MYO9A: variants seen among roughly 807,000 people sequenced by gnomAD.
The protein encoded by MYO9A is unconventional myosin-IXa.
MYO9A carries 103 observed loss-of-function variants against 293.3 expected under a neutral mutation model. The observed-to-expected ratio is 0.35, with a 90% confidence interval of 0.30 to 0.41. The LOEUF is 0.41. Ranked by LOEUF, MYO9A falls within the 10% of genes least tolerant of loss-of-function variation. MYO9A has a pLI of 1.00. For missense variants in MYO9A, 2,685 were observed against 3,033.0 expected (o/e 0.89, Z 2.69); for synonymous variants, 1,001 against 1,035.7 (o/e 0.97, Z 0.64).
chr15:71,951,440 GTT>G (rs3830247), intron 15 of MYO9A, among the ~76,000 whole-genome samples: 4 of 143,786 alleles, frequency 2.8e-5, no homozygotes, highest in South Asian at 2.2e-4. Context: ...TTTTTTTGTT[GTT>G]TTTTTTTTTA....
intron 13 of MYO9A, among the ~76,000 whole-genome samples, 178 bp downstream of exon 13, chr15:71,967,806 C>T (rs1461982486): frequency 1.3e-5 from 2 of 152,150 alleles, no homozygotes; most frequent in African/African-American, 4.8e-5. Flanking sequence ...GAAACATTAC[C>T]TTACCTAAGA....
chr15:71,860,601 A>AT (rs1267235346), intron 33 of MYO9A, among the ~76,000 whole-genome samples: 2 of 152,202 alleles, frequency 1.3e-5, no homozygotes, highest in African/African-American at 4.8e-5. Context: ...AGATCAAGTA[A>AT]GGGAGGCCAT....
intron 25 of MYO9A, 107 bp downstream of exon 25, chr15:71,897,354 C>G (rs1191563704): frequency 1.6e-6 from 2 of 1,221,404 alleles, no homozygotes; most frequent in Non-Finnish European, 2.3e-6. Context: ...GAGAAAATGG[C>G]CAAGTTGAGC....
At chr15:71,893,132 G>A (rs2057227344) in intron 26 of MYO9A, 6 of 1,287,934 alleles carry the variant, frequency 4.7e-6, no homozygotes, top group Non-Finnish European at 6.1e-6. Flanking sequence ...AAATCGGAGC[G>A]CGTCCGCGCC....
intron 39 of MYO9A, among the ~76,000 whole-genome samples, chr15:71,839,536 A>G (rs1030865676): frequency 2.6e-5 from 4 of 151,996 alleles, no homozygotes; most frequent in Admixed American, 6.6e-5. Context: ...AGTGTCCCCA[A>G]TTCGTCGGAC....
chr15:71,840,882 C>T (rs1484760398), intron 39 of MYO9A, among the ~76,000 whole-genome samples: 2 of 152,232 alleles, frequency 1.3e-5, no homozygotes, highest in African/African-American at 4.8e-5. Flanking sequence ...CCGCCCACCT[C>T]GGCCTCCCAA....
intron 15 of MYO9A, among the ~76,000 whole-genome samples, chr15:71,944,991 T>C (rs1471542972): frequency 6.6e-6 from 1 of 152,198 alleles, no homozygotes; most frequent in Non-Finnish European, 1.5e-5. Context: ...TTTCTCCTAG[T>C]AGTGCACAAC....
At chr15:71,947,208 G>C (rs1271036899) in intron 15 of MYO9A, among the ~76,000 whole-genome samples, 1 of 151,020 alleles carries the variant, frequency 6.6e-6, no homozygotes, top group Non-Finnish European at 1.5e-5. Context: ...CTTGAACCCG[G>C]GAGGTGGAGG....
Position 72,118,139 on chromosome 15 carries a change from A to T in MYO9A, c.-531T>A. 2.7e-6 allele frequency: 1 copy of T among 377,056 alleles called. No individual in the cohort carries two copies. Among genetic ancestry groups the T allele is most frequent in the Non-Finnish European group, 4.7e-6 (1 of 212,920 alleles). 23.4% of individuals were successfully genotyped at this position (377,056 alleles called of 1,614,324 possible). A position where few individuals can be genotyped will look rare whatever the true frequency, so the allele number is the denominator to read the frequency against. ...CGCGACTCCCCGGCTGCAGGCGAGC[A>T]GGCGCGCGCGCACTTACCTCCCACG... On this transcript the variant is annotated 5_prime_UTR_variant, in exon 1 of 42. Coordinates refer to ENST00000356056, the MANE Select transcript of MYO9A (RefSeq NM_006901.4).
intron 11 of MYO9A, 26 bp from the exon 12 acceptor site, chr15:71,978,318 C>T: frequency 6.4e-7 from 1 of 1,573,490 alleles, no homozygotes; most frequent in Non-Finnish European, 8.6e-7. Context: ...AATAAAATAA[C>T]AATTTATTCA....
At chr15:72,039,249 T>C (rs957238859) in intron 2 of MYO9A, among the ~76,000 whole-genome samples, 11 of 152,132 alleles carry the variant, frequency 7.2e-5, no homozygotes, top group African/African-American at 2.7e-4. Context: ...AGTAGCAAAT[T>C]AATTTCAACA....
intron 2 of MYO9A, among the ~76,000 whole-genome samples, chr15:72,037,310 G>A (rs1270712646): frequency 6.6e-6 from 1 of 150,964 alleles, no homozygotes; most frequent in Non-Finnish European, 1.5e-5. Context: ...GGAAAAGCTG[G>A]TGAATAATAT....
At chr15:71,924,002 G>A (rs968782922) in intron 18 of MYO9A, among the ~76,000 whole-genome samples, 6 of 151,974 alleles carry the variant, frequency 3.9e-5, no homozygotes, top group African/African-American at 1.4e-4. Flanking sequence ...TTCCCCATTA[G>A]AACTGCTTTT....
intron 19 of MYO9A, among the ~76,000 whole-genome samples, chr15:71,905,762 C>CAAAAAAAAAA (rs3086807): frequency 1.4e-5 from 1 of 71,896 alleles, no homozygotes; most frequent in Admixed American, 2.0e-4. Flanking sequence ...GACTCTGTCT[C>CAAAAAAAAAA]AAAAAAAAAA....
intron 9 of MYO9A, among the ~76,000 whole-genome samples, chr15:71,998,236 G>T (rs2076755842): frequency 6.6e-6 from 1 of 152,124 alleles, no homozygotes. Flanking sequence ...ACCAAACACA[G>T]CATGTTCTCA....
intron 23 of MYO9A, among the ~76,000 whole-genome samples, chr15:71,900,323 C>T (rs1196017404): frequency 1.3e-5 from 2 of 148,654 alleles, no homozygotes; most frequent in Admixed American, 1.5e-4. Context: ...ATAGTCCCAG[C>T]TACTCAGGAG....
intron 1 of MYO9A, among the ~76,000 whole-genome samples, chr15:72,053,009 T>C (rs2078613064): frequency 6.7e-6 from 1 of 149,138 alleles, no homozygotes; most frequent in Admixed American, 6.6e-5. Context: ...CAAGATGGAA[T>C]GCTGCCCAGG....
chr15:71,997,028 T>C (rs2076717519), intron 9 of MYO9A, among the ~76,000 whole-genome samples: 3 of 152,090 alleles, frequency 2.0e-5, no homozygotes, highest in Admixed American at 2.0e-4. Flanking sequence ...TTATGACCCA[T>C]GGAAACTGCC....
intron 6 of MYO9A, among the ~76,000 whole-genome samples, chr15:72,013,143 A>T (rs2077223090): frequency 6.6e-6 from 1 of 152,234 alleles, no homozygotes; most frequent in South Asian, 2.1e-4. Context: ...GTGAGAAAGT[A>T]AAAGAGAAGA....
Sources: allele counts gnomAD v4.1 joint callset (sites outside exome capture counted in the v4.1 genomes callset), GRCh38; gene constraint gnomAD v4.1.1; transcripts MANE v1.5; gene names NCBI Gene and HGNC (gene_info 2026-07-23, HGNC 2026-07-21).